The following ZC3H12C variants were observed in gnomAD, a reference collection of about 807,000 sequenced individuals.
The protein encoded by ZC3H12C is zinc finger CCCH-type containing 12C, also known as probable ribonuclease ZC3H12C.
ZC3H12C carries 20 observed loss-of-function variants against 76.3 expected under a neutral mutation model. The ratio of observed to expected loss-of-function variants is 0.26; its 90% CI spans 0.18 to 0.38. The LOEUF (loss-of-function observed/expected upper bound fraction) is 0.38, where lower values mean the gene tolerates loss of function less well. Ranked by LOEUF, ZC3H12C falls within the 10% of genes least tolerant of loss-of-function variation. The pLI is 1.00. For synonymous variants in ZC3H12C, 352 were observed against 399.6 expected (o/e 0.88, Z 1.42); for missense variants, 874 against 1,086.5 (o/e 0.80, Z 2.75).
chr11:110,137,872 T>C (rs1304735376), intron 2 of ZC3H12C, among the ~76,000 whole-genome samples: 1 of 152,154 alleles, frequency 6.6e-6, no homozygotes, highest in Non-Finnish European at 1.5e-5. Flanking sequence ...TTTGAATTGT[T>C]TTGTAATTTG....
chr11:110,102,267 A>G (rs1314177966), intron 1 of ZC3H12C, among the ~76,000 whole-genome samples: 2 of 149,504 alleles, frequency 1.3e-5, no homozygotes, highest in Non-Finnish European at 3.0e-5. Context: ...ACTAGATGCC[A>G]TCAGGAATAT....
At chr11:110,099,668 T>C (rs2134142185) in intron 1 of ZC3H12C, among the ~76,000 whole-genome samples, 1 of 152,104 alleles carries the variant, frequency 6.6e-6, no homozygotes, top group East Asian at 1.9e-4. Flanking sequence ...AAAAATCAGC[T>C]GGGTGTGGTG....
In ZC3H12C at chr11:110,130,906, G is replaced by A. The variant is rs1861852713; in HGVS notation, c.22-5757G>A. On this transcript the variant is annotated intron_variant, in intron 1 of 5. Transcript: ENST00000278590. ...TGCTGAGGTTGTCTTGCATCTGCCC[G>A]GCCAACTAATTGTGAGCTTTCTGGC... 19 of 912,552 alleles carry A rather than the reference G, an allele frequency of 2.1e-5. No individual in the cohort carries two copies. The Middle Eastern group carries it at 1.6e-3, about 75-fold the overall frequency. The allele number at this position is 912,552 out of a possible 1,614,324, so 56.5% of individuals were successfully genotyped here. A position where few individuals can be genotyped will look rare whatever the true frequency, so the allele number is the denominator to read the frequency against.
chr11:110,156,977 G>A (rs1042317874), intron 3 of ZC3H12C, among the ~76,000 whole-genome samples: 8 of 152,006 alleles, frequency 5.3e-5, no homozygotes, highest in African/African-American at 1.2e-4. Flanking sequence ...TCAGGAGTTC[G>A]AGACCACCCT....
At chr11:110,133,160 TTAAG>T (rs1249430053) in intron 1 of ZC3H12C, among the ~76,000 whole-genome samples, 1 of 152,166 alleles carries the variant, frequency 6.6e-6, no homozygotes, top group Non-Finnish European at 1.5e-5. Context: ...AGGTGCCCTA[TTAAG>T]TAAGGGCAAT....
intron 1 of ZC3H12C, among the ~76,000 whole-genome samples, chr11:110,097,048 T>G (rs1434608341): frequency 1.3e-5 from 2 of 152,190 alleles, no homozygotes; most frequent in Non-Finnish European, 2.9e-5. Flanking sequence ...GTGGAATAAA[T>G]TAGAAAATAT....
intron 1 of ZC3H12C, among the ~76,000 whole-genome samples, chr11:110,125,530 C>G (rs1475308175): frequency 3.9e-5 from 6 of 152,098 alleles, no homozygotes; most frequent in African/African-American, 1.4e-4. Flanking sequence ...GTTGGCCAGG[C>G]TGATGTTGAA....
chr11:110,100,212 C>T (rs79097292), intron 1 of ZC3H12C, among the ~76,000 whole-genome samples: 24 of 134,212 alleles, frequency 1.8e-4, no homozygotes, highest in Admixed American at 3.8e-4. Context: ...CTATATGGTA[C>T]TTTTTTTTTT....
At chr11:110,122,479 GAT>G (rs1861667934) in intron 1 of ZC3H12C, among the ~76,000 whole-genome samples, 1 of 151,948 alleles carries the variant, frequency 6.6e-6, no homozygotes, top group African/African-American at 2.4e-5. Flanking sequence ...ATCCTCGAAG[GAT>G]ATGTTCCACC....
At chr11:110,129,468 A>G (rs867625648) in intron 1 of ZC3H12C, among the ~76,000 whole-genome samples, 2 of 152,176 alleles carry the variant, frequency 1.3e-5, no homozygotes, top group African/African-American at 4.8e-5. Flanking sequence ...AGGAGTCCCA[A>G]ACTAGTGTTA....
chr11:110,131,506 A>G lies in ZC3H12C; in HGVS notation c.22-5157A>G, dbSNP rs1861865749. 6.1e-5 allele frequency: 12 copies of G among 197,576 alleles called. No individual in the cohort carries two copies. In the South Asian group the frequency reaches 1.1e-3, roughly 18 times the overall value. 12.2% of individuals were successfully genotyped at this position (197,576 alleles called of 1,614,324 possible). On this transcript the variant is annotated intron_variant, in intron 1 of 5. Transcript: ENST00000278590. Reference sequence around the variant, plus strand: ...GTGCTATAAAATGATAAGATTTGATAGAGCTTTCTGTTGTCTTAAAAGTCT... The same window carrying G: ...GTGCTATAAAATGATAAGATTTGATGGAGCTTTCTGTTGTCTTAAAAGTCT...
intron 2 of ZC3H12C, among the ~76,000 whole-genome samples, chr11:110,152,497 T>C (rs1051576780): frequency 6.6e-6 from 1 of 151,576 alleles, no homozygotes; most frequent in Admixed American, 6.6e-5. Flanking sequence ...GAAAAGTTTT[T>C]AGAAACTCAT....
chr11:110,153,387 C>G (rs991204415), intron 3 of ZC3H12C, among the ~76,000 whole-genome samples: 3 of 152,108 alleles, frequency 2.0e-5, no homozygotes, highest in African/African-American at 7.2e-5. Context: ...AGGATTTCAC[C>G]CTGTTGGCCA....
At chr11:110,127,129 C>T (rs17110774) in intron 1 of ZC3H12C, among the ~76,000 whole-genome samples, 4,925 of 152,246 alleles carry the variant, frequency 0.032, 158 homozygotes, top group East Asian at 0.086. Context: ...ATGTCTAACG[C>T]TTTCAACAGT....
chr11:110,165,839 G>T lies in ZC3H12C; in HGVS notation c.*102G>T. 1 of 1,081,270 alleles carries T rather than the reference G, an allele frequency of 9.2e-7. No homozygotes were observed. The highest frequency in any genetic ancestry group is 1.3e-6 in the Non-Finnish European group (1 of 766,990). 67.0% of individuals were successfully genotyped at this position (1,081,270 alleles called of 1,614,324 possible). ...ATGTGATCTCCTTCTCAGCAAGGAG[G>T]TTATATAGTATCCATTTATGTGAAA... On this transcript the variant is annotated 3_prime_UTR_variant, in exon 6 of 6. Transcript: ENST00000278590.
intron 1 of ZC3H12C, among the ~76,000 whole-genome samples, chr11:110,135,261 G>A (rs1256403482): frequency 1.3e-5 from 2 of 151,962 alleles, no homozygotes; most frequent in East Asian, 1.9e-4. Flanking sequence ...AGGCCAAGGC[G>A]GGCAGATCAC....
At chr11:110,097,038 G>A (rs1304022003) in intron 1 of ZC3H12C, among the ~76,000 whole-genome samples, 3 of 152,176 alleles carry the variant, frequency 2.0e-5, no homozygotes, top group African/African-American at 7.2e-5. Flanking sequence ...TGTGCTTACT[G>A]TGGAATAAAT....
intron 1 of ZC3H12C, among the ~76,000 whole-genome samples, chr11:110,134,829 T>C (rs1861926361): frequency 6.6e-6 from 1 of 152,036 alleles, no homozygotes; most frequent in South Asian, 2.1e-4. Context: ...GAAACTCCTG[T>C]AGAAGTGTGT....
chr11:110,161,761 T>C (rs575829663), intron 4 of ZC3H12C, among the ~76,000 whole-genome samples: 1 of 152,192 alleles, frequency 6.6e-6, no homozygotes, highest in Non-Finnish European at 1.5e-5. Flanking sequence ...GGCAACTAAA[T>C]GTACAATAGA....
Sources: gnomAD v4.1 joint callset for allele counts (sites outside exome capture counted in the v4.1 genomes callset) on GRCh38, gnomAD v4.1.1 for gene constraint, MANE v1.5 for transcripts, NCBI Gene and HGNC (gene_info 2026-07-23, HGNC 2026-07-21) for gene names.